Variants in RFX2 observed in about 807,000 individuals in gnomAD.
The protein encoded by RFX2 is regulatory factor X2.
Under a neutral mutation model 87.8 loss-of-function variants are expected in RFX2, and 20 were observed. The ratio of observed to expected loss-of-function variants is 0.23; its 90% CI spans 0.16 to 0.33. The LOEUF is 0.33. RFX2 is among the 10% of genes least tolerant of loss of function. The probability of loss-of-function intolerance (pLI) is 1.00; values close to 1 mark genes in which losing one functional copy is unlikely to be tolerated. For missense variants in RFX2, 767 were observed against 1,012.3 expected (o/e 0.76, Z 3.29); for synonymous variants, 397 against 431.3 (o/e 0.92, Z 0.98).
In RFX2 at chr19:6,035,968, C is replaced by T. The variant is rs147237984; in HGVS notation, c.522+4012G>A. On this transcript the variant is annotated intron_variant, in intron 5 of 17. Transcript: ENST00000303657. The stretch of plus-strand genomic sequence containing the variant: ...GAGCAACCCACATAACAAACCACAG[C>T]TCCAGGGTGGTGGCCCAGGGTCTGA... Among the ~76,000 whole-genome samples the T allele has an allele frequency of 1.8e-4, 28 of 152,146 alleles. 1 individual carries two copies. The East Asian group carries it at 5.4e-3, about 29-fold the overall frequency.
chr19:6,108,366 C>T (rs2088253580), intron 1 of RFX2, among the ~76,000 whole-genome samples: 1 of 152,218 alleles, frequency 6.6e-6, no homozygotes, highest in Admixed American at 6.5e-5. Context: ...CCCCCTCCTC[C>T]TTATCCAGAA....
intron 1 of RFX2, among the ~76,000 whole-genome samples, chr19:6,093,285 A>C (rs1377987891): frequency 6.6e-6 from 1 of 152,220 alleles, no homozygotes; most frequent in African/African-American, 2.4e-5. Flanking sequence ...CTGCAGTCCT[A>C]GCACTTTGAG....
At chr19:6,000,523 G>C (rs955566142) in intron 15 of RFX2, among the ~76,000 whole-genome samples, 6 of 152,214 alleles carry the variant, frequency 3.9e-5, no homozygotes, top group Non-Finnish European at 8.8e-5. Context: ...GGAGGGACCT[G>C]GTGGGAGGTA....
chr19:6,015,818 C>CA (rs2086718965), intron 7 of RFX2, among the ~76,000 whole-genome samples: 1 of 151,818 alleles, frequency 6.6e-6, no homozygotes, highest in Non-Finnish European at 1.5e-5. Context: ...TGCTCTAAAA[C>CA]AAAAAAAGAA....
chr19:6,103,456 G>C (rs2144910870), intron 1 of RFX2, among the ~76,000 whole-genome samples: 1 of 152,264 alleles, frequency 6.6e-6, no homozygotes, highest in Admixed American at 6.5e-5. Context: ...CCCAACTCAA[G>C]TCCTGGCACG....
Position 6,010,317 on chromosome 19 carries a change from G to T in RFX2, c.900-66C>A, listed in dbSNP as rs866943983. 1.6e-4 allele frequency: 166 copies of T among 1,060,200 alleles called. 1 individual carries two copies. The South Asian group carries it at 2.2e-3, about 14-fold the overall frequency. 65.7% of individuals were successfully genotyped at this position (1,060,200 alleles called of 1,614,324 possible). ...CCTGCTGCGGGTGGGCCCAAAGACT[G>T]GGGGGCTGGGCAGGATTCAGTCAGG... is the stretch of plus-strand genomic sequence containing the variant. On this transcript the variant is annotated intron_variant, in intron 8 of 17. Coordinates refer to ENST00000303657, the MANE Select transcript of RFX2 (RefSeq NM_000635.4). This position sits in a 1 kb window ranked among gnomAD's most constrained non-coding sequence, Gnocchi z 5.0.
rs1450155015 is a variant in RFX2, at chr19:6,024,745, GGTGAGGACGGGA to G, written c.597+1406_597+1417del. Among the ~76,000 whole-genome samples, 7 of 151,302 alleles carry G rather than the reference GGTGAGGACGGGA, an allele frequency of 4.6e-5. No individual in the cohort carries two copies. Among genetic ancestry groups the G allele is most frequent in the African/African-American group, 1.7e-4 (7 of 41,000 alleles). The stretch of plus-strand genomic sequence containing the variant: ...AGGACGGGAGTGAGGACGGGATCAC[GGTGAGGACGGGA>G]GTGAGGACGGGATCACGGTGAGGAC... On this transcript the variant is annotated intron_variant, in intron 6 of 17. Transcript: ENST00000303657. This position sits in a 1 kb window ranked among gnomAD's most constrained non-coding sequence, Gnocchi z 5.0.
chr19:6,041,923 G>T, intron 4 of RFX2, 121 bp downstream of exon 4: 1 of 794,764 alleles, frequency 1.3e-6, no homozygotes, highest in Non-Finnish European at 2.2e-6. Flanking sequence ...CATTTTAACA[G>T]TATTTAGTGA....
At chr19:6,081,239 T>A (rs1408402917) in intron 1 of RFX2, among the ~76,000 whole-genome samples, 1 of 152,170 alleles carries the variant, frequency 6.6e-6, no homozygotes, top group African/African-American at 2.4e-5. Context: ...CCGGGTATGG[T>A]GGCTCACCCC....
Position 6,013,122 on chromosome 19 carries a change from C to T in RFX2, c.780-17G>A. The T allele has an allele frequency of 6.3e-7, 1 of 1,579,050 alleles. No individual in the cohort carries two copies. Among genetic ancestry groups the T allele is most frequent in the African/African-American group, 1.4e-5 (1 of 73,062 alleles). ...GAGTTGCCCCTGGAAACCAAACATC[C>T]CAGGGTCAGCTCCCTTTGCAGATGT... On this transcript the variant is annotated splice_polypyrimidine_tract_variant and intron_variant, in intron 7 of 17. Transcript: ENST00000303657. This position sits in a 1 kb window ranked among gnomAD's most constrained non-coding sequence, Gnocchi z 4.1.
Position 6,056,914 on chromosome 19 carries a change from T to C in RFX2, c.-8-9410A>G, listed in dbSNP as rs1241012642. The stretch of plus-strand genomic sequence containing the variant: ...CACGACCTGTCACCCAGCCTGGCCC[T>C]GCCTGGCCAACGGGCTTGGCTGGCC... On this transcript the variant is annotated intron_variant, in intron 1 of 17. Coordinates refer to ENST00000303657, the MANE Select transcript of RFX2 (RefSeq NM_000635.4). The surrounding 1 kb of genome is among the most constrained non-coding windows in gnomAD (Gnocchi z 4.6). 2.6e-5 allele frequency among the ~76,000 whole-genome samples: 4 copies of C among 152,196 alleles called. No homozygotes were observed. The highest frequency in any genetic ancestry group is 1.3e-4 in the Admixed American group (2 of 15,276).
At chr19:6,087,445 C>T (rs929189884) in intron 1 of RFX2, among the ~76,000 whole-genome samples, 3 of 152,156 alleles carry the variant, frequency 2.0e-5, no homozygotes, top group African/African-American at 7.2e-5. Context: ...GAGGGAGATG[C>T]CTGCCAGAGG....
At position 6,004,477 on chromosome 19, in the gene RFX2, C is replaced by T. The variant is rs545032631; in HGVS notation, c.1403-179G>A. 3.9e-5 allele frequency among the ~76,000 whole-genome samples: 6 copies of T among 152,366 alleles called. No homozygotes were observed. Among genetic ancestry groups the T allele is most frequent in the South Asian group, 2.1e-4 (1 of 4,828 alleles). On this transcript the variant is annotated intron_variant, in intron 12 of 17. Transcript: ENST00000303657. This position sits in a 1 kb window ranked among gnomAD's most constrained non-coding sequence, Gnocchi z 4.8. ...ACGGGAAGAACCAGGCATGGCCCAG[C>T]GCTGCTGGTCACCACCCACTGCCTA...
In RFX2 at chr19:6,005,789, T is replaced by C. The variant is rs186409336; in HGVS notation, c.1402+1223A>G. On this transcript the variant is annotated intron_variant, in intron 12 of 17. Coordinates refer to ENST00000303657, the MANE Select transcript of RFX2 (RefSeq NM_000635.4). ...CCAGGGCCATGTCCCAGCTTCTTCT[T>C]CTGAGTTTATGTCCCTGCCCCTCCT... is the stretch of plus-strand genomic sequence containing the variant. Among the ~76,000 whole-genome samples, 12 of 152,290 alleles carry C rather than the reference T, an allele frequency of 7.9e-5. No homozygotes were observed. The East Asian group carries it at 2.3e-3, about 29-fold the overall frequency.
At chr19:6,029,639 C>T (rs530153124) in intron 5 of RFX2, among the ~76,000 whole-genome samples, 1 of 152,194 alleles carries the variant, frequency 6.6e-6, no homozygotes, top group East Asian at 1.9e-4. Context: ...GCCTGGGAGG[C>T]GGGGTTTGTA....
chr19:6,069,880 C>T (rs980006794), intron 1 of RFX2, among the ~76,000 whole-genome samples: 7 of 152,124 alleles, frequency 4.6e-5, no homozygotes, highest in Non-Finnish European at 8.8e-5. Context: ...GAAGAGGAAA[C>T]TGAGAGCGGG....
Position 5,997,309 on chromosome 19 carries a change from C to G in RFX2, c.1860-96G>C. On this transcript the variant is annotated intron_variant, in intron 15 of 17. Transcript: ENST00000303657. The surrounding 1 kb of genome is among the most constrained non-coding windows in gnomAD (Gnocchi z 4.2). The stretch of plus-strand genomic sequence containing the variant: ...TGGCAGCAACACACCCCCTGCTCTA[C>G]GTTCCCTGGGGAACCCAGAGGCTGA... 7.4e-7 allele frequency: 1 copy of G among 1,344,236 alleles called. No homozygotes were observed. Among genetic ancestry groups the G allele is most frequent in the Non-Finnish European group, 9.9e-7 (1 of 1,009,384 alleles). The allele number at this position is 1,344,236 out of a possible 1,614,324, so 83.3% of individuals were successfully genotyped here. A position where few individuals can be genotyped will look rare whatever the true frequency, so the allele number is the denominator to read the frequency against.
Position 6,001,175 on chromosome 19 carries a change from TTCTC to T in RFX2, c.1859+636_1859+639del, listed in dbSNP as rs1231098908. 6.6e-6 allele frequency among the ~76,000 whole-genome samples: 1 copy of T among 152,242 alleles called. No individual in the cohort carries two copies. The highest frequency in any genetic ancestry group is 1.5e-5 in the Non-Finnish European group (1 of 68,040). ...CTGCTCCCATCCCCAGCCTGTTTCT[TTCTC>T]TCTGGAAGCTTTTATGGTTGTTTCT... On this transcript the variant is annotated intron_variant, in intron 15 of 17. Transcript: ENST00000303657. This position sits in a 1 kb window ranked among gnomAD's most constrained non-coding sequence, Gnocchi z 5.6.
In RFX2 at chr19:6,064,009, C is replaced by T. The variant is rs559927948; in HGVS notation, c.-8-16505G>A. 6.6e-6 allele frequency among the ~76,000 whole-genome samples: 1 copy of T among 152,360 alleles called. No homozygotes were observed. The highest frequency in any genetic ancestry group is 1.9e-4 in the East Asian group (1 of 5,186). The stretch of plus-strand genomic sequence containing the variant: ...TTACTTCATGTCATGCAGCTGTTCA[C>T]ATCTGGCTTCTTGGCCAGCCAGCCC... On this transcript the variant is annotated intron_variant, in intron 1 of 17. Coordinates refer to ENST00000303657, the MANE Select transcript of RFX2 (RefSeq NM_000635.4). The surrounding 1 kb of genome is among the most constrained non-coding windows in gnomAD (Gnocchi z 4.8).
Sources: gnomAD v4.1 joint callset for allele counts (sites outside exome capture counted in the v4.1 genomes callset) on GRCh38, gnomAD v4.1.1 for gene constraint, Gnocchi (gnomAD v3.1) non-coding constraint, MANE v1.5 for transcripts, NCBI Gene and HGNC (gene_info 2026-07-23, HGNC 2026-07-21) for gene names.